KHDRBS2: variants seen among roughly 807,000 people sequenced by gnomAD.
KHDRBS2 encodes the protein KH domain-containing, RNA-binding, signal transduction-associated protein 2.
A neutral mutation model predicts 44.3 loss-of-function variants in KHDRBS2; 26 were observed. The ratio of observed to expected loss-of-function variants is 0.59; its 90% CI spans 0.43 to 0.81. The LOEUF is 0.81. Ranked by LOEUF, KHDRBS2 falls within the 40% of genes least tolerant of loss-of-function variation. The pLI is 0.00. For missense variants in KHDRBS2, 476 were observed against 433.1 expected, an observed-to-expected ratio of 1.10 and a Z score of -0.88; for synonymous variants, 194 against 151.1, an observed-to-expected ratio of 1.28 and a Z score of -2.08.
chr6:61,953,644 C>A (rs1368728008), intron 4 of KHDRBS2, among the ~76,000 whole-genome samples: 2 of 152,052 alleles, frequency 1.3e-5, no homozygotes, highest in Non-Finnish European at 2.9e-5. Flanking sequence ...AAATGAAGAT[C>A]TCTTTTCATA....
chr6:61,846,071 TC>T (rs1473570509), intron 6 of KHDRBS2, among the ~76,000 whole-genome samples: 2 of 152,174 alleles, frequency 1.3e-5, no homozygotes, highest in Non-Finnish European at 2.9e-5. Flanking sequence ...AAGTCCCTGC[TC>T]CCATTTGGCC....
intron 6 of KHDRBS2, among the ~76,000 whole-genome samples, chr6:61,822,188 C>G (rs1790022410): frequency 6.6e-6 from 1 of 151,942 alleles, no homozygotes; most frequent in Admixed American, 6.6e-5. Flanking sequence ...CTTTTCTAGG[C>G]TAACCTATAG....
intron 3 of KHDRBS2, 88 bp downstream of exon 3, chr6:62,047,790 G>T: frequency 1.3e-6 from 1 of 776,502 alleles, no homozygotes; most frequent in South Asian, 1.5e-5. Flanking sequence ...AATGGTGAAA[G>T]AGCAGTTCAG....
the KHDRBS2 span, among the ~76,000 whole-genome samples, chr6:61,552,850 A>C: frequency 6.6e-6 from 1 of 152,150 alleles, no homozygotes; most frequent in South Asian, 2.1e-4. Flanking sequence ...TATAAAGCCT[A>C]CTTGGTCATG....
intron 4 of KHDRBS2, among the ~76,000 whole-genome samples, chr6:61,926,017 A>G (rs1290980645): frequency 1.3e-5 from 2 of 152,194 alleles, no homozygotes; most frequent in African/African-American, 2.4e-5. Flanking sequence ...GATAAAATGT[A>G]TGTCTATCAA....
intron 1 of KHDRBS2, among the ~76,000 whole-genome samples, chr6:62,261,404 T>C (rs2150181843): frequency 6.6e-6 from 1 of 151,972 alleles, no homozygotes; most frequent in South Asian, 2.1e-4. Context: ...CAATGAGTTG[T>C]AACTAATTAG....
chr6:61,897,683 C>T (rs576461588), intron 5 of KHDRBS2, among the ~76,000 whole-genome samples: 1 of 151,660 alleles, frequency 6.6e-6, no homozygotes, highest in South Asian at 2.1e-4. Flanking sequence ...CATTGGCTCC[C>T]CTGCCATAAG....
chr6:61,868,937 T>A (rs369810398), intron 6 of KHDRBS2, among the ~76,000 whole-genome samples: 1 of 152,168 alleles, frequency 6.6e-6, no homozygotes, highest in Non-Finnish European at 1.5e-5. Context: ...AGACTCCACA[T>A]AGCTCTGTAT....
At chr6:61,918,105 G>A (rs1807359072) in intron 4 of KHDRBS2, among the ~76,000 whole-genome samples, 1 of 151,970 alleles carries the variant, frequency 6.6e-6, no homozygotes, top group African/African-American at 2.4e-5. Flanking sequence ...GAGGTTAAAT[G>A]ATAAATGTGA....
At chr6:62,145,253 CTTTTT>C (rs892746841) in intron 2 of KHDRBS2, among the ~76,000 whole-genome samples, 1 of 145,352 alleles carries the variant, frequency 6.9e-6, no homozygotes, top group Non-Finnish European at 1.5e-5. Context: ...ACTGCTTTCT[CTTTTT>C]TGTTTTTTTT....
chr6:61,983,678 A>G (rs911709443), intron 3 of KHDRBS2, among the ~76,000 whole-genome samples: 1 of 152,184 alleles, frequency 6.6e-6, no homozygotes, highest in African/African-American at 2.4e-5. Flanking sequence ...AGGAAACTTA[A>G]AAAGATCCAT....
chr6:62,069,479 G>T (rs1167814737), intron 2 of KHDRBS2, among the ~76,000 whole-genome samples: 1 of 151,624 alleles, frequency 6.6e-6, no homozygotes, highest in East Asian at 2.0e-4. Context: ...TCATGACTTT[G>T]CTTTGCTTTC....
At chr6:61,731,432 A>G (rs1774431600) in intron 7 of KHDRBS2, among the ~76,000 whole-genome samples, 2 of 152,116 alleles carry the variant, frequency 1.3e-5, no homozygotes, top group South Asian at 4.1e-4. Context: ...TTAGTTTTAA[A>G]GATATCAGTT....
At chr6:61,713,369 C>G (rs1770849347) in intron 7 of KHDRBS2, among the ~76,000 whole-genome samples, 1 of 151,646 alleles carries the variant, frequency 6.6e-6, no homozygotes, top group Admixed American at 6.6e-5. Context: ...CTTCTTTTGA[C>G]TCTATCCTAT....
chr6:62,169,820 G>A (rs765827846), intron 2 of KHDRBS2, among the ~76,000 whole-genome samples: 7 of 151,952 alleles, frequency 4.6e-5, no homozygotes, highest in Non-Finnish European at 8.8e-5. Context: ...TTAGACCCTG[G>A]AACAGACTAG....
intron 2 of KHDRBS2, among the ~76,000 whole-genome samples, chr6:62,153,645 G>T (rs1483075925): frequency 6.6e-6 from 1 of 152,076 alleles, no homozygotes; most frequent in Non-Finnish European, 1.5e-5. Flanking sequence ...TATGATCATT[G>T]CTACCTACTA....
the KHDRBS2 span, among the ~76,000 whole-genome samples, chr6:61,591,509 G>A: frequency 6.6e-6 from 1 of 152,236 alleles, no homozygotes; most frequent in African/African-American, 2.4e-5. Context: ...AAACCATCCT[G>A]TTGGTCAGGA....
At position 61,819,594 on chromosome 6, in the gene KHDRBS2, G is replaced by T. The variant is rs147085489; in HGVS notation, c.810+75041C>A. Among the ~76,000 whole-genome samples the T allele has an allele frequency of 2.8e-3, 422 of 151,980 alleles. 3 individuals carry two copies. Among genetic ancestry groups the T allele is most frequent in the African/African-American group, 9.4e-3 (390 of 41,504 alleles). On this transcript the variant is annotated intron_variant, in intron 6 of 8. Transcript: ENST00000281156. ...CACTGTTCTTTCTGAGATAAAATGA[G>T]GTCCACAAACAATTTTGTTCTTCCC...
downstream of KHDRBS2, among the ~76,000 whole-genome samples, chr6:61,676,398 G>A (rs1416867930): frequency 6.6e-6 from 1 of 151,768 alleles, no homozygotes; most frequent in Non-Finnish European, 1.5e-5. Context: ...GATTAATTTT[G>A]ATCAGAAGTT....
Sources: allele counts gnomAD v4.1 joint callset (sites outside exome capture counted in the v4.1 genomes callset), GRCh38; gene constraint gnomAD v4.1.1; transcripts MANE v1.5; gene names NCBI Gene and HGNC (gene_info 2026-07-23, HGNC 2026-07-21).